SMOC2: variants seen among roughly 807,000 people sequenced by gnomAD.
SMOC2 encodes the protein SPARC related modular calcium binding 2, also known as SPARC-related modular calcium-binding protein 2.
In SMOC2, 39 loss-of-function variants were observed where a neutral mutation model predicts 61.4. The observed-to-expected ratio is 0.64, with a 90% confidence interval of 0.49 to 0.83. The LOEUF (loss-of-function observed/expected upper bound fraction) is 0.83. Ranked by LOEUF, SMOC2 falls within the 40% of genes least tolerant of loss-of-function variation. The pLI, the probability that SMOC2 is intolerant of heterozygous loss-of-function variation, is 0.00. For synonymous variants in SMOC2, 247 were observed against 239.9 expected, an observed-to-expected ratio of 1.03 and a Z score of -0.27; for missense variants, 556 against 592.9, an observed-to-expected ratio of 0.94 and a Z score of 0.65.
intron 4 of SMOC2, among the ~76,000 whole-genome samples, chr6:168,533,755 A>G (rs531430983): frequency 1.3e-5 from 2 of 151,166 alleles, no homozygotes; most frequent in East Asian, 3.9e-4. Context: ...AAAGTTATTA[A>G]AGTAAAATAT....
chr6:168,454,233 C>T (rs987990080), intron 1 of SMOC2, among the ~76,000 whole-genome samples: 1 of 152,056 alleles, frequency 6.6e-6, no homozygotes, highest in East Asian at 1.9e-4. Context: ...CTGTGTGTCC[C>T]GGCTCCCCCA....
intron 1 of SMOC2, among the ~76,000 whole-genome samples, chr6:168,500,872 G>A (rs576416831): frequency 6.6e-6 from 1 of 152,288 alleles, no homozygotes; most frequent in Non-Finnish European, 1.5e-5. Context: ...TGGATAAGAA[G>A]CACTTTTGTA....
intron 1 of SMOC2, among the ~76,000 whole-genome samples, chr6:168,508,381 C>T (rs1209053352): frequency 6.6e-6 from 1 of 152,104 alleles, no homozygotes; most frequent in African/African-American, 2.4e-5. Flanking sequence ...AGACTTAACC[C>T]ACAGTGGTGC....
intron 1 of SMOC2, among the ~76,000 whole-genome samples, chr6:168,508,388 G>A (rs2115050120): frequency 6.6e-6 from 1 of 152,276 alleles, no homozygotes; most frequent in South Asian, 2.1e-4. Flanking sequence ...ACCCACAGTG[G>A]TGCTGACAGC....
At chr6:168,591,074 G>C (rs952244143) in intron 7 of SMOC2, among the ~76,000 whole-genome samples, 11 of 152,240 alleles carry the variant, frequency 7.2e-5, no homozygotes, top group Admixed American at 7.2e-4. Flanking sequence ...ATAAAAGTTA[G>C]AATTTATAGA....
At chr6:168,626,415 C>T (rs1276872550) in intron 9 of SMOC2, among the ~76,000 whole-genome samples, 1 of 152,154 alleles carries the variant, frequency 6.6e-6, no homozygotes, top group Admixed American at 6.5e-5. Context: ...TACTTGAGGT[C>T]GTCCAGAGAA....
At chr6:168,641,074 C>T (rs1390772238) in intron 9 of SMOC2, among the ~76,000 whole-genome samples, 8 of 152,096 alleles carry the variant, frequency 5.3e-5, no homozygotes, top group African/African-American at 1.9e-4. Flanking sequence ...GGAGAAAATT[C>T]AGGCAGAAAT....
chr6:168,526,043 C>T (rs1208009421), intron 2 of SMOC2, among the ~76,000 whole-genome samples: 1 of 152,196 alleles, frequency 6.6e-6, no homozygotes, highest in East Asian at 1.9e-4. Flanking sequence ...ACCTGTTTCC[C>T]CAGGGATAAG....
At chr6:168,650,577 C>T in intron 9 of SMOC2, 104 bp from the exon 10 acceptor site, 1 of 1,074,604 alleles carries the variant, frequency 9.3e-7, no homozygotes, top group Non-Finnish European at 1.3e-6. Flanking sequence ...TAAGGTAGGC[C>T]AAAATACTCA....
chr6:168,558,048 C>T (rs1304590582), intron 7 of SMOC2, among the ~76,000 whole-genome samples: 1 of 152,208 alleles, frequency 6.6e-6, no homozygotes. Flanking sequence ...GTGGCACACA[C>T]CTGTGAATGC....
chr6:168,543,913 G>A (rs1221210987), intron 5 of SMOC2, among the ~76,000 whole-genome samples: 1 of 152,118 alleles, frequency 6.6e-6, no homozygotes, highest in Admixed American at 6.5e-5. Context: ...GGGACCAACG[G>A]CAGATGCTGT....
At chr6:168,659,413 G>A (rs1583194002) in intron 11 of SMOC2, among the ~76,000 whole-genome samples, 2 of 150,812 alleles carry the variant, frequency 1.3e-5, no homozygotes, top group Non-Finnish European at 3.0e-5. Flanking sequence ...AAATGAGGTG[G>A]CCAGGTTATA....
In SMOC2 at chr6:168,650,422, C is replaced by T. The variant is rs114034501; in HGVS notation, c.908-259C>T. ...GAGTGACACTGCCCACCTCCGATTG[C>T]AGTTCTGAAGATCAGTGAGATACTA... is the stretch of plus-strand genomic sequence containing the variant. On this transcript the variant is annotated intron_variant, in intron 9 of 12. Coordinates refer to ENST00000356284, the MANE Select transcript of SMOC2 (RefSeq NM_001166412.2). 3.4e-3 allele frequency among the ~76,000 whole-genome samples: 511 copies of T among 152,298 alleles called. 5 individuals carry two copies. The highest frequency in any genetic ancestry group is 0.01 in the African/African-American group (421 of 41,566).
chr6:168,450,092 G>A (rs937173779), intron 1 of SMOC2, among the ~76,000 whole-genome samples: 1 of 152,172 alleles, frequency 6.6e-6, no homozygotes, highest in East Asian at 1.9e-4. Flanking sequence ...GAAAAGGAAG[G>A]AGAGAGAAAA....
chr6:168,631,473 T>A (rs141148073), intron 9 of SMOC2, among the ~76,000 whole-genome samples: 1 of 152,282 alleles, frequency 6.6e-6, no homozygotes, highest in African/African-American at 2.4e-5. Context: ...TTTGAACTAA[T>A]TTATTAACAA....
intron 9 of SMOC2, among the ~76,000 whole-genome samples, chr6:168,637,868 C>T (rs1284681293): frequency 2.6e-5 from 4 of 152,204 alleles, no homozygotes; most frequent in South Asian, 2.1e-4. Flanking sequence ...GCTGGGCCTA[C>T]GGAGGCCTCA....
chr6:168,471,377 A>G (rs1781964848), intron 1 of SMOC2, among the ~76,000 whole-genome samples: 2 of 152,082 alleles, frequency 1.3e-5, no homozygotes, highest in East Asian at 1.9e-4. Flanking sequence ...ACCTGGCATA[A>G]TGGCCTCAAG....
At chr6:168,637,152 G>T (rs1786760777) in intron 9 of SMOC2, among the ~76,000 whole-genome samples, 1 of 152,012 alleles carries the variant, frequency 6.6e-6, no homozygotes, top group South Asian at 2.1e-4. Context: ...ACACTGAGTA[G>T]TTTGAAAGCC....
chr6:168,586,858 T>C (rs549302627), intron 7 of SMOC2, among the ~76,000 whole-genome samples: 112 of 152,328 alleles, frequency 7.4e-4, no homozygotes, highest in African/African-American at 2.5e-3. Flanking sequence ...TTTTAGCAGC[T>C]TTTGCTTTGC....
Sources: allele counts gnomAD v4.1 joint callset (sites outside exome capture counted in the v4.1 genomes callset), GRCh38; gene constraint gnomAD v4.1.1; transcripts MANE v1.5; gene names NCBI Gene and HGNC (gene_info 2026-07-23, HGNC 2026-07-21).